NETO2: variants seen among roughly 807,000 people sequenced by gnomAD.
The protein encoded by NETO2 is neuropilin and tolloid like 2.
NETO2 carries 28 observed loss-of-function variants against 62.5 expected under a neutral mutation model. The observed-to-expected ratio is 0.45, with a 90% CI of 0.33 to 0.61. NETO2 has a LOEUF of 0.61. NETO2 is among the 20% of genes least tolerant of loss of function. The pLI is 0.02. For missense variants in NETO2, 548 were observed against 643.2 expected, an observed-to-expected ratio of 0.85 and a Z score of 1.60; for synonymous variants, 214 against 219.1, an observed-to-expected ratio of 0.98 and a Z score of 0.21.
In NETO2 at chr16:47,121,302, G is replaced by A. The variant is rs181410655; in HGVS notation, c.654+1355C>T. Among the ~76,000 whole-genome samples the A allele has an allele frequency of 1.9e-3, 291 of 152,188 alleles. 7 individuals carry two copies. Among genetic ancestry groups the A allele is most frequent in the Admixed American group, 0.017 (259 of 15,292 alleles). On this transcript the variant is annotated intron_variant, in intron 6 of 8. Transcript: ENST00000562435. Reference sequence around the variant, plus strand: ...TGAGCATAGGGGTTTTAGAATCTGCGGGCTGTGAGCTGACCTGCAGCAGTG... The same window carrying A: ...TGAGCATAGGGGTTTTAGAATCTGCAGGCTGTGAGCTGACCTGCAGCAGTG...
At chr16:47,139,668 A>G (rs1417895735) in intron 1 of NETO2, among the ~76,000 whole-genome samples, 1 of 152,234 alleles carries the variant, frequency 6.6e-6, no homozygotes, top group Non-Finnish European at 1.5e-5. Flanking sequence ...ATCAAACTCA[A>G]TCATACTTTA....
In NETO2 at chr16:47,143,911, T is replaced by C. The variant is rs1964521989; in HGVS notation, c.-299A>G. The stretch of plus-strand genomic sequence containing the variant: ...GCGCGGCGCGGGACCGGCAGGCAGC[T>C]CCGCCCGCGGCCCCGGCGCGGGATC... On this transcript the variant is annotated 5_prime_UTR_variant, in exon 1 of 9. Coordinates refer to ENST00000562435, the MANE Select transcript of NETO2 (RefSeq NM_018092.5). 1 of 191,288 alleles carries C rather than the reference T, an allele frequency of 5.2e-6. No homozygotes were observed. The allele number at this position is 191,288 out of a possible 1,614,324, so 11.8% of individuals were successfully genotyped here.
Sources: gnomAD v4.1 joint callset for allele counts (sites outside exome capture counted in the v4.1 genomes callset) on GRCh38, gnomAD v4.1.1 for gene constraint, MANE v1.5 for transcripts, NCBI Gene and HGNC (gene_info 2026-07-23, HGNC 2026-07-21) for gene names.